Variants in LRRC75A observed in about 807,000 individuals in gnomAD.
The protein encoded by LRRC75A is leucine rich repeat containing 75A, also known as leucine-rich repeat-containing protein 75A.
LRRC75A carries 12 observed loss-of-function variants against 26.0 expected under a neutral mutation model. The observed-to-expected ratio is 0.46, with a 90% CI of 0.30 to 0.75. The LOEUF (loss-of-function observed/expected upper bound fraction) is 0.75, where lower values mean the gene tolerates loss of function less well. LRRC75A is among the 30% of genes least tolerant of loss of function. The pLI is 0.08. For synonymous variants in LRRC75A, 223 were observed against 219.3 expected, an observed-to-expected ratio of 1.02 and a Z score of -0.15; for missense variants, 410 against 486.6, an observed-to-expected ratio of 0.84 and a Z score of 1.48.
chr17:16,448,042 AAGAGCCCAGCTCCCCC>A (rs1361601072), intron 2 of LRRC75A, 82 bp from the exon 3 acceptor site: 3 of 1,278,088 alleles, frequency 2.3e-6, no homozygotes. Context: ...TCTCCCGGGT[AAGAGCCCAGCTCCCCC>A]AGGCTGAGCT....
intron 1 of LRRC75A, among the ~76,000 whole-genome samples, chr17:16,473,113 A>G (rs569511258): frequency 6.6e-6 from 1 of 151,882 alleles, no homozygotes; most frequent in East Asian, 1.9e-4. Flanking sequence ...AGAAAATTCA[A>G]GTCGTTGTAA....
At chr17:16,472,142 C>G (rs1453771385) in intron 1 of LRRC75A, among the ~76,000 whole-genome samples, 2 of 152,096 alleles carry the variant, frequency 1.3e-5, no homozygotes, top group Middle Eastern at 3.2e-3. Flanking sequence ...AGGAGAGACA[C>G]TCATCAGCCG....
chr17:16,490,641 G>A (rs2093855375), intron 1 of LRRC75A, among the ~76,000 whole-genome samples: 1 of 152,100 alleles, frequency 6.6e-6, no homozygotes, highest in African/African-American at 2.4e-5. Context: ...GAACCCAAGA[G>A]GGATGTGGGT....
At chr17:16,485,773 G>A (rs558802120) in intron 1 of LRRC75A, among the ~76,000 whole-genome samples, 1 of 152,186 alleles carries the variant, frequency 6.6e-6, no homozygotes, top group East Asian at 1.9e-4. Flanking sequence ...ACAGATGGCT[G>A]GCTGAGGATC....
At chr17:16,461,927 A>G (rs559791394) in intron 2 of LRRC75A, among the ~76,000 whole-genome samples, 1 of 152,166 alleles carries the variant, frequency 6.6e-6, no homozygotes, top group Admixed American at 6.5e-5. Flanking sequence ...TTGGCCCCAT[A>G]TAACAGGGAT....
chr17:16,461,366 G>C (rs1254637323), intron 2 of LRRC75A: 1 of 152,278 alleles, frequency 6.6e-6, no homozygotes, highest in Non-Finnish European at 1.5e-5. Context: ...ACTTCTTTTG[G>C]AAGCCACTGG....
chr17:16,478,046 C>G (rs1003063741), intron 1 of LRRC75A, among the ~76,000 whole-genome samples: 8 of 151,776 alleles, frequency 5.3e-5, no homozygotes, highest in African/African-American at 1.5e-4. Context: ...CGTCCCTGCT[C>G]TCACCCTGAG....
Position 16,462,303 on chromosome 17 carries a change from G to A in LRRC75A, c.330C>T (p.His110=), listed in dbSNP as rs923907775. 21 of 1,614,056 alleles carry A rather than the reference G, an allele frequency of 1.3e-5. No homozygotes were observed. Among genetic ancestry groups the A allele is most frequent in the Middle Eastern group, 3.3e-4 (2 of 6,084 alleles). ...AGCGTGCCAGGCTGATGATGAGGTC[G>A]TGTGTGATGGGGTCCACCAGGTTCC... ...SFRNLVDPIT[H]DLIISLARYI... is the part of the protein sequence containing the mutation. Residue 110 remains histidine (H), a synonymous_variant, in exon 2 of 4, where the codon CAC becomes CAT. Coordinates refer to ENST00000470794, the MANE Select transcript of LRRC75A (RefSeq NM_001113567.3). This position sits in a 1 kb window ranked among gnomAD's most constrained non-coding sequence, Gnocchi z 4.6.
intron 1 of LRRC75A, among the ~76,000 whole-genome samples, chr17:16,482,547 G>A (rs1301179847): frequency 2.0e-5 from 3 of 152,190 alleles, no homozygotes; most frequent in Non-Finnish European, 4.4e-5. Context: ...CACCTAGGAA[G>A]TGGGGGAGAC....
rs546070302 is a variant in LRRC75A, at chr17:16,469,473, G to A, written c.247-7087C>T. Among the ~76,000 whole-genome samples the A allele has an allele frequency of 2.6e-5, 4 of 152,254 alleles. No homozygotes were observed. The East Asian group carries it at 5.8e-4, about 22-fold the overall frequency. On this transcript the variant is annotated intron_variant, in intron 1 of 3. Coordinates refer to ENST00000470794, the MANE Select transcript of LRRC75A (RefSeq NM_001113567.3). ...CAGGCTTCCCCCCTCCCCAGCTTGT[G>A]CACTCTCAAAGAGGCCAAGATCTAG...
intron 2 of LRRC75A, chr17:16,461,115 A>T (rs2093724166): frequency 6.6e-6 from 1 of 152,430 alleles, no homozygotes; most frequent in South Asian, 2.1e-4. Flanking sequence ...TGCATCAGGT[A>T]GCCCCAGAGT....
chr17:16,491,694 C>T lies in LRRC75A; in HGVS notation c.246+51G>A. Reference sequence around the variant, plus strand: ...TAGGGATGGGGCGCCCCCCCCGGCCCAGCACGCCCCCTGGCCCGGCGCGCC... The same window carrying T: ...TAGGGATGGGGCGCCCCCCCCGGCCTAGCACGCCCCCTGGCCCGGCGCGCC... On this transcript the variant is annotated intron_variant, in intron 1 of 3. Transcript: ENST00000470794. This position sits in a 1 kb window ranked among gnomAD's most constrained non-coding sequence, Gnocchi z 5.9. 2 of 1,242,528 alleles carry T rather than the reference C, an allele frequency of 1.6e-6. No homozygotes were observed. Among genetic ancestry groups the T allele is most frequent in the South Asian group, 2.4e-5 (1 of 42,280 alleles). 77.0% of individuals were successfully genotyped at this position (1,242,528 alleles called of 1,614,324 possible).
In LRRC75A at chr17:16,443,033, C is replaced by G. The variant is rs2093546590; in HGVS notation, c.*555G>C. 6.5e-6 allele frequency: 1 copy of G among 152,792 alleles called. No individual in the cohort carries two copies. Among genetic ancestry groups the G allele is most frequent in the South Asian group, 2.1e-4 (1 of 4,854 alleles). 9.5% of individuals were successfully genotyped at this position (152,792 alleles called of 1,614,324 possible). ...GTGGGCCTCAGAAATAGGGCTGGGTCTCCATAAGGAGGTAGGCCACGTTCA... is the reference window on the plus strand; with the variant it reads ...GTGGGCCTCAGAAATAGGGCTGGGTGTCCATAAGGAGGTAGGCCACGTTCA... On this transcript the variant is annotated 3_prime_UTR_variant, in exon 4 of 4. Coordinates refer to ENST00000470794, the MANE Select transcript of LRRC75A (RefSeq NM_001113567.3).
intron 2 of LRRC75A, among the ~76,000 whole-genome samples, chr17:16,457,515 C>T (rs1418650786): frequency 1.3e-5 from 2 of 152,178 alleles, no homozygotes; most frequent in African/African-American, 2.4e-5. Flanking sequence ...CATGTGCAGC[C>T]GCCGGCCTCC....
At position 16,462,166 on chromosome 17, in the gene LRRC75A, G is replaced by T. The variant is rs1052440830; in HGVS notation, c.375+92C>A. 3.3e-5 allele frequency: 46 copies of T among 1,398,436 alleles called. No individual in the cohort carries two copies. The African/African-American group carries it at 5.6e-4, about 17-fold the overall frequency. The allele number at this position is 1,398,436 out of a possible 1,614,324, so 86.6% of individuals were successfully genotyped here. On this transcript the variant is annotated intron_variant, in intron 2 of 3. Transcript: ENST00000470794. This position sits in a 1 kb window ranked among gnomAD's most constrained non-coding sequence, Gnocchi z 4.6. The stretch of plus-strand genomic sequence containing the variant: ...GGGCTTGTCCTCCTTGGGCCTGTCT[G>T]CCAGTCCTCCTTGGGCATACAGCTG...
rs572214439 is a variant in LRRC75A, at chr17:16,491,382, G to C, written c.246+363C>G. On this transcript the variant is annotated intron_variant, in intron 1 of 3. Coordinates refer to ENST00000470794, the MANE Select transcript of LRRC75A (RefSeq NM_001113567.3). This position sits in a 1 kb window ranked among gnomAD's most constrained non-coding sequence, Gnocchi z 5.9. Reference sequence around the variant, plus strand: ...CTCGGCCGGGAGTGACTGCCAGTGGGCAGACAGGAAGAAAAGAGCCCTGGC... The same window carrying C: ...CTCGGCCGGGAGTGACTGCCAGTGGCCAGACAGGAAGAAAAGAGCCCTGGC... Among the ~76,000 whole-genome samples, 1 of 152,208 alleles carries C rather than the reference G, an allele frequency of 6.6e-6. No individual in the cohort carries two copies. Among genetic ancestry groups the C allele is most frequent in the African/African-American group, 2.4e-5 (1 of 41,452 alleles).
rs745454968 is a variant in LRRC75A, at chr17:16,444,041, G to C, written c.582C>G (p.Thr194=). 1.2e-6 allele frequency: 2 copies of C among 1,613,574 alleles called. No individual in the cohort carries two copies. Among genetic ancestry groups the C allele is most frequent in the South Asian group, 2.2e-5 (2 of 91,002 alleles). Residue 194 remains threonine (T), a synonymous_variant, in exon 4 of 4, where the codon ACC becomes ACG. Transcript: ENST00000470794. ...GCTCCCCACAGCGCTGTAGGTAGCTGGTCACCCGCTCCAGGTCTCGGGAGG... is the reference window on the plus strand; with the variant it reads ...GCTCCCCACAGCGCTGTAGGTAGCTCGTCACCCGCTCCAGGTCTCGGGAGG... ...PLTSRDLERV[T]SYLQRCGEQV... is the part of the protein sequence containing the mutation.
rs1408898288 is a variant in LRRC75A at position 16,443,528 on chromosome 17, C to A, written c.*60G>T. 1 of 1,420,284 alleles carries A rather than the reference C, an allele frequency of 7.0e-7. No individual in the cohort carries two copies. Among genetic ancestry groups the A allele is most frequent in the Non-Finnish European group, 9.3e-7 (1 of 1,074,982 alleles). The allele number at this position is 1,420,284 out of a possible 1,614,324, so 88.0% of individuals were successfully genotyped here. On this transcript the variant is annotated 3_prime_UTR_variant, in exon 4 of 4. Coordinates refer to ENST00000470794, the MANE Select transcript of LRRC75A (RefSeq NM_001113567.3). The stretch of plus-strand genomic sequence containing the variant: ...CACCTGATAGGAGAAGCGCCCTCCC[C>A]TGCCTGCCTTGCCCATTCTACCCAA...
At chr17:16,480,251 G>A (rs1280607486) in intron 1 of LRRC75A, among the ~76,000 whole-genome samples, 1 of 152,152 alleles carries the variant, frequency 6.6e-6, no homozygotes, top group Non-Finnish European at 1.5e-5. Flanking sequence ...TAAGTGTAAT[G>A]TGTTTAAATC....
Sources: gnomAD v4.1 joint callset for allele counts (sites outside exome capture counted in the v4.1 genomes callset) on GRCh38, gnomAD v4.1.1 for gene constraint, Gnocchi (gnomAD v3.1) non-coding constraint, MANE v1.5 for transcripts, NCBI Gene and HGNC (gene_info 2026-07-23, HGNC 2026-07-21) for gene names.